The following MN1 variants were observed in gnomAD, a reference collection of about 807,000 sequenced individuals.
MN1 encodes MN1 proto-oncogene, transcriptional regulator.
In MN1, 19 loss-of-function variants were observed where a neutral mutation model predicts 86.9. That is an observed-to-expected ratio of 0.22 (90% confidence interval 0.15 to 0.32). The LOEUF is 0.32. Ranked by LOEUF, MN1 falls within the 10% of genes least tolerant of loss-of-function variation. The pLI is 1.00. For missense variants in MN1, 1,841 were observed against 1,862.0 expected, an observed-to-expected ratio of 0.99 and a Z score of 0.21; for synonymous variants, 928 against 849.6, an observed-to-expected ratio of 1.09 and a Z score of -1.60.
intron 1 of MN1, among the ~76,000 whole-genome samples, chr22:27,780,547 A>G (rs146693983): frequency 8.1e-4 from 123 of 152,310 alleles, no homozygotes; most frequent in African/African-American, 2.8e-3. Context: ...GCTGCATATC[A>G]GAGCATTTAT....
chr22:27,794,814 G>A (rs10719007), intron 1 of MN1, among the ~76,000 whole-genome samples: 2 of 33,108 alleles, frequency 6.0e-5, no homozygotes, highest in Admixed American at 6.3e-4. Context: ...AATCAGGGTT[G>A]TTGTTTTTTT....
Position 27,749,221 on chromosome 22 carries a change from C to A in MN1, c.*1694G>T, listed in dbSNP as rs531057439. Reference sequence around the variant, plus strand: ...TGAGGTTTTTCTGAAAGCTCCTCTCCCTTCGCTGAAAAGTTCTTTGAAATA... The same window carrying A: ...TGAGGTTTTTCTGAAAGCTCCTCTCACTTCGCTGAAAAGTTCTTTGAAATA... On this transcript the variant is annotated 3_prime_UTR_variant, in exon 2 of 2. Coordinates refer to ENST00000302326, the MANE Select transcript of MN1 (RefSeq NM_002430.3). 4.3e-6 allele frequency: 1 copy of A among 230,496 alleles called. No individual in the cohort carries two copies. The highest frequency in any genetic ancestry group is 6.2e-5 in the East Asian group (1 of 16,226). 14.3% of individuals were successfully genotyped at this position (230,496 alleles called of 1,614,324 possible). A position where few individuals can be genotyped will look rare whatever the true frequency, so the allele number is the denominator to read the frequency against.
intron 1 of MN1, among the ~76,000 whole-genome samples, chr22:27,782,003 C>A (rs1163165629): frequency 6.6e-6 from 1 of 152,102 alleles, no homozygotes; most frequent in Non-Finnish European, 1.5e-5. Context: ...GGGCTCCTGG[C>A]AAAATGATCA....
rs958957541 is a variant in MN1 at position 27,791,223 on chromosome 22, G to A, written c.3781+5540C>T. 2.0e-5 allele frequency among the ~76,000 whole-genome samples: 3 copies of A among 151,916 alleles called. No homozygotes were observed. In the East Asian group the frequency reaches 5.8e-4, roughly 29 times the overall value. On this transcript the variant is annotated intron_variant, in intron 1 of 1. Coordinates refer to ENST00000302326, the MANE Select transcript of MN1 (RefSeq NM_002430.3). ...CCACCCACCTCAGCTGTGCTCTTTC[G>A]AGCTGGCCCCCAGACCACTTCATTT...
chr22:27,775,579 G>A (rs1005380070), intron 1 of MN1, among the ~76,000 whole-genome samples: 2 of 152,068 alleles, frequency 1.3e-5, no homozygotes, highest in East Asian at 1.9e-4. Context: ...TCTTGCTCCT[G>A]GTCCGGAACA....
At chr22:27,788,737 G>A (rs958293286) in intron 1 of MN1, among the ~76,000 whole-genome samples, 1 of 152,014 alleles carries the variant, frequency 6.6e-6, no homozygotes, top group African/African-American at 2.4e-5. Context: ...GTGCGCATGC[G>A]TGGAGGGGTT....
Position 27,796,953 on chromosome 22 carries a change from G to A in MN1, c.3591C>T (p.Ser1197=). Residue 1197 remains serine, a synonymous_variant, in exon 1 of 2, where the codon AGC becomes AGT. Transcript: ENST00000302326. ...CCTCGGAGCAGCAGCTGCCCAGCTCGCTGTCGCCATTCTGCGCCCCTGAGG... is the reference window on the plus strand; with the variant it reads ...CCTCGGAGCAGCAGCTGCCCAGCTCACTGTCGCCATTCTGCGCCCCTGAGG... The part of the protein sequence containing the change: ...VGASGAQNGD[S]ELGSCCSEAV... 6.2e-7 allele frequency: 1 copy of A among 1,612,202 alleles called. No homozygotes were observed. The highest frequency in any genetic ancestry group is 8.5e-7 in the Non-Finnish European group (1 of 1,179,748).
chr22:27,775,668 C>T (rs946994915), intron 1 of MN1, among the ~76,000 whole-genome samples: 17 of 152,276 alleles, frequency 1.1e-4, no homozygotes, highest in African/African-American at 4.1e-4. Flanking sequence ...GCTATGACTG[C>T]CCTGTCCCAC....
chr22:27,783,599 C>G (rs956101790), intron 1 of MN1, among the ~76,000 whole-genome samples: 1 of 152,172 alleles, frequency 6.6e-6, no homozygotes, highest in African/African-American at 2.4e-5. Flanking sequence ...TGTCCTGGCT[C>G]TGCGCCTGTG....
chr22:27,752,947 G>A (rs1932778911), intron 1 of MN1, among the ~76,000 whole-genome samples: 1 of 152,194 alleles, frequency 6.6e-6, no homozygotes, highest in Non-Finnish European at 1.5e-5. Flanking sequence ...CTGCCCTCTG[G>A]GATTAAGCAG....
intron 1 of MN1, among the ~76,000 whole-genome samples, chr22:27,756,616 C>T (rs940442332): frequency 6.6e-6 from 1 of 152,098 alleles, no homozygotes; most frequent in Non-Finnish European, 1.5e-5. Context: ...TTCTCTAGTA[C>T]GGGAGGAGTA....
At chr22:27,789,678 A>T (rs972558785) in intron 1 of MN1, among the ~76,000 whole-genome samples, 3 of 152,254 alleles carry the variant, frequency 2.0e-5, no homozygotes, top group African/African-American at 7.2e-5. Context: ...CTTCTGGGAC[A>T]TTCACAGAGA....
chr22:27,749,951 T>G lies in MN1; in HGVS notation c.*964A>C, dbSNP rs893971356. Reference sequence around the variant, plus strand: ...AGGGCTGAGAACAGCCTCCTCCAACTCCAGCACCCAAGGCACGGGCAGCAG... The same window carrying G: ...AGGGCTGAGAACAGCCTCCTCCAACGCCAGCACCCAAGGCACGGGCAGCAG... On this transcript the variant is annotated 3_prime_UTR_variant, in exon 2 of 2. Coordinates refer to ENST00000302326, the MANE Select transcript of MN1 (RefSeq NM_002430.3). The G allele has an allele frequency of 8.6e-6, 2 of 231,880 alleles. No individual in the cohort carries two copies. Among genetic ancestry groups the G allele is most frequent in the Non-Finnish European group, 1.7e-5 (2 of 117,350 alleles). The allele number at this position is 231,880 out of a possible 1,614,324, so 14.4% of individuals were successfully genotyped here. A position where few individuals can be genotyped will look rare whatever the true frequency, so the allele number is the denominator to read the frequency against.
In MN1 at chr22:27,797,945, C is replaced by A; in HGVS notation, c.2599G>T (p.Gly867Cys). The A allele has an allele frequency of 6.3e-7, 1 of 1,594,312 alleles. No individual in the cohort carries two copies. Residue 867 changes from glycine to cysteine, a missense_variant, in exon 1 of 2, where the codon GGC becomes TGC. Gly to Cys is a radical substitution (Grantham distance 159). Transcript: ENST00000302326. ...KRKLSQNETDGAAVAGNPGSD... is the reference protein window; with the variant it reads ...KRKLSQNETDCAAVAGNPGSD... Reference sequence around the variant, plus strand: ...CCCGGGTTGCCGGCCACTGCCGCGCCGTCGGTCTCGTTCTGGCTCAGTTTC... The same window carrying A: ...CCCGGGTTGCCGGCCACTGCCGCGCAGTCGGTCTCGTTCTGGCTCAGTTTC...
chr22:27,761,217 C>G (rs1012577493), intron 1 of MN1, among the ~76,000 whole-genome samples: 4 of 151,596 alleles, frequency 2.6e-5, no homozygotes, highest in African/African-American at 9.7e-5. Context: ...CTCGCTCTCT[C>G]TCTTTCTCTC....
chr22:27,798,615 C>A lies in MN1; in HGVS notation c.1929G>T (p.Leu643=). 6.4e-7 allele frequency: 1 copy of A among 1,561,938 alleles called. No individual in the cohort carries two copies. The change falls in exon 1 of 2, where the codon CTG becomes CTT. Residue 643 remains leucine, a synonymous_variant. Transcript: ENST00000302326. ...GACCCGAGCCGCCCATCCTACGGGG[C>A]AGCAGGTCTCCGGGCGGCGGATGCG... ...SGPHPPPGDL[L]PRRMGGSGLP...
chr22:27,790,674 T>C (rs928791772), intron 1 of MN1, among the ~76,000 whole-genome samples: 5 of 61,158 alleles, frequency 8.2e-5, no homozygotes, highest in Non-Finnish European at 1.3e-4. Flanking sequence ...TTCCCACAAC[T>C]GGTGGGGGTA....
At chr22:27,757,739 C>T (rs1422127052) in intron 1 of MN1, among the ~76,000 whole-genome samples, 1 of 152,120 alleles carries the variant, frequency 6.6e-6, no homozygotes, top group Non-Finnish European at 1.5e-5. Context: ...TGAGCCACCA[C>T]TTCTTGGAGC....
chr22:27,757,094 A>G (rs907506020), intron 1 of MN1, among the ~76,000 whole-genome samples: 1 of 150,962 alleles, frequency 6.6e-6, no homozygotes, highest in Non-Finnish European at 1.5e-5. Context: ...ACCTGGTACT[A>G]CTGTTGCTCT....
Sources: allele counts gnomAD v4.1 joint callset (sites outside exome capture counted in the v4.1 genomes callset), GRCh38; gene constraint gnomAD v4.1.1; transcripts MANE v1.5; gene names NCBI Gene and HGNC (gene_info 2026-07-23, HGNC 2026-07-21).